The following BRI3 variants were observed in gnomAD, a reference collection of about 807,000 sequenced individuals.
BRI3 encodes membrane protein BRI3.
In BRI3, 6 loss-of-function variants were observed where a neutral mutation model predicts 12.8. The ratio of observed to expected loss-of-function variants is 0.47; its 90% CI spans 0.26 to 0.93. The LOEUF is 0.93. Ranked by LOEUF, BRI3 falls within the 40% of genes least tolerant of loss-of-function variation. The pLI, the probability that BRI3 is intolerant of heterozygous loss-of-function variation, is 0.15. For missense variants in BRI3, 134 were observed against 171.1 expected, an observed-to-expected ratio of 0.78 and a Z score of 1.21; for synonymous variants, 91 against 76.1, an observed-to-expected ratio of 1.20 and a Z score of -1.02.
Position 98,281,762 on chromosome 7 carries a change from G to T in BRI3, c.-34G>T, listed in dbSNP as rs1799522360. 3.9e-6 allele frequency: 4 copies of T among 1,031,548 alleles called. No individual in the cohort carries two copies. The South Asian group carries it at 1.3e-4, about 34-fold the overall frequency. The allele number at this position is 1,031,548 out of a possible 1,614,324, so 63.9% of individuals were successfully genotyped here. On this transcript the variant is annotated 5_prime_UTR_variant, in exon 1 of 3. Transcript: ENST00000297290. ...CCCCCGCCGGGGCCGACCGAGCCGA[G>T]CCGGGCCGGAGCGGCGGGCGCGGCC...
upstream of BRI3, chr7:98,304,149 G>T: frequency 6.7e-7 from 1 of 1,498,976 alleles, no homozygotes; most frequent in Non-Finnish European, 8.9e-7. Context: ...TCCCAGTCGG[G>T]GATGGCGAGT....
At chr7:98,304,249 TGGCC>T (rs1255150183), upstream of BRI3, 1 of 1,613,452 alleles carries the variant, frequency 6.2e-7, no homozygotes, top group Non-Finnish European at 8.5e-7. Context: ...GATGTCGTCC[TGGCC>T]GAATCTGCTC....
downstream of BRI3, among the ~76,000 whole-genome samples, chr7:98,297,578 G>A (rs1358422452): frequency 1.3e-5 from 2 of 152,212 alleles, no homozygotes; most frequent in Non-Finnish European, 2.9e-5. Context: ...CCTGTCTTCA[G>A]TGTGAAAACC....
chr7:98,302,407 G>A (rs1223165720), upstream of BRI3, among the ~76,000 whole-genome samples: 2 of 152,198 alleles, frequency 1.3e-5, no homozygotes, highest in East Asian at 3.8e-4. Context: ...CCTCAATAAA[G>A]CAGCAGGCTA....
the BRI3 span, among the ~76,000 whole-genome samples, chr7:98,321,022 A>AT: frequency 2.6e-5 from 4 of 151,726 alleles, no homozygotes; most frequent in Non-Finnish European, 5.9e-5. Context: ...ACACTCAGCT[A>AT]TTTTTTTGGG....
At chr7:98,294,072 A>G (rs745443802), downstream of BRI3, 1 of 1,614,038 alleles carries the variant, frequency 6.2e-7, no homozygotes, top group South Asian at 1.1e-5. Context: ...AGCCACGCCT[A>G]CCTGAGAAAA....
the BRI3 span, chr7:98,317,432 T>G: frequency 6.4e-7 from 1 of 1,560,758 alleles, no homozygotes. Flanking sequence ...TACTCACACT[T>G]CCACTGTGTG....
At chr7:98,290,514 T>C (rs1358550252) in intron 2 of BRI3, among the ~76,000 whole-genome samples, 1 of 148,436 alleles carries the variant, frequency 6.7e-6, no homozygotes, top group Admixed American at 6.8e-5. Flanking sequence ...GGTTTTACTT[T>C]TTGAGATGGA....
At chr7:98,299,943 A>G (rs1236554273) in intron 1 of BRI3, among the ~76,000 whole-genome samples, 10 of 152,140 alleles carry the variant, frequency 6.6e-5, no homozygotes, top group African/African-American at 2.4e-4. Flanking sequence ...TAGGAGGCTG[A>G]GGCGGGAGAA....
At chr7:98,292,480 A>C, downstream of BRI3, 2 of 703,144 alleles carry the variant, frequency 2.8e-6, no homozygotes, top group South Asian at 3.9e-5. Context: ...AATTTTAACC[A>C]TGACTCTCCA....
chr7:98,323,337 AAAACCCGCTCCAGTTATT>A, the BRI3 span: 1 of 152,216 alleles, frequency 6.6e-6, no homozygotes, highest in Non-Finnish European at 1.5e-5. Flanking sequence ...AAACAACAAC[AAAACCCGCTCCAGTTATT>A]TAGAAAATCA....
downstream of BRI3, chr7:98,292,861 A>C (rs999282897): frequency 3.4e-6 from 5 of 1,451,494 alleles, no homozygotes; most frequent in Non-Finnish European, 4.5e-6. Context: ...ACTACCAAGA[A>C]AAGGAGCTCT....
chr7:98,283,988 C>T (rs946774145), intron 2 of BRI3, among the ~76,000 whole-genome samples: 2 of 152,200 alleles, frequency 1.3e-5, no homozygotes, highest in African/African-American at 2.4e-5. Flanking sequence ...GAACTGTGTC[C>T]CTGCGGAGGC....
At chr7:98,310,622 T>A, downstream of BRI3, 2 of 1,528,416 alleles carry the variant, frequency 1.3e-6, no homozygotes, top group South Asian at 2.5e-5. Flanking sequence ...AGTCCAATAT[T>A]AGTATAGTGC....
chr7:98,313,011 A>G (rs777746412), downstream of BRI3, among the ~76,000 whole-genome samples: 2 of 152,132 alleles, frequency 1.3e-5, no homozygotes, highest in Non-Finnish European at 2.9e-5. Flanking sequence ...GGCTGTGTGC[A>G]TGGCAGTCAC....
downstream of BRI3, among the ~76,000 whole-genome samples, chr7:98,297,037 C>T (rs1800221465): frequency 6.6e-6 from 1 of 152,258 alleles, no homozygotes; most frequent in Non-Finnish European, 1.5e-5. Flanking sequence ...GCGGGCACTG[C>T]CTGCTGCATG....
At chr7:98,304,075 C>T, upstream of BRI3, 1 of 1,087,250 alleles carries the variant, frequency 9.2e-7, no homozygotes, top group Non-Finnish European at 1.2e-6. Flanking sequence ...TCCCTCCTCC[C>T]CGGGGACACC....
the BRI3 span, among the ~76,000 whole-genome samples, chr7:98,316,397 C>T: frequency 2.0e-5 from 3 of 152,180 alleles, no homozygotes; most frequent in East Asian, 3.9e-4. Context: ...TAACACTGAT[C>T]ATGGAGAGTC....
At position 98,291,464 on chromosome 7, in the gene BRI3, G is replaced by A. The variant is rs563450266; in HGVS notation, c.*221G>A. 42 of 1,361,290 alleles carry A rather than the reference G, an allele frequency of 3.1e-5. No homozygotes were observed. Among genetic ancestry groups the A allele is most frequent in the African/African-American group, 2.1e-4 (14 of 67,850 alleles). The allele number at this position is 1,361,290 out of a possible 1,614,324, so 84.3% of individuals were successfully genotyped here. ...CAATAAAGCACTGCTTTTATTTTTT[G>A]CAGTCTTCAATTTGAGAAAGGTGAG... On this transcript the variant is annotated 3_prime_UTR_variant, in exon 3 of 3. Transcript: ENST00000297290.
Sources: allele counts gnomAD v4.1 joint callset (sites outside exome capture counted in the v4.1 genomes callset), GRCh38; gene constraint gnomAD v4.1.1; transcripts MANE v1.5; gene names NCBI Gene and HGNC (gene_info 2026-07-23, HGNC 2026-07-21).